The following NCALD variants were observed in gnomAD, a reference collection of about 807,000 sequenced individuals.
The protein encoded by NCALD is neurocalcin-delta.
A neutral mutation model predicts 18.6 loss-of-function variants in NCALD; 10 were observed. The observed-to-expected ratio is 0.54, with a 90% confidence interval of 0.33 to 0.91. The LOEUF (loss-of-function observed/expected upper bound fraction) is 0.91, where lower values mean the gene tolerates loss of function less well. Among genes scored for constraint, NCALD ranks in the 40% least tolerant of loss-of-function variants. The pLI, the probability that NCALD is intolerant of heterozygous loss-of-function variation, is 0.03. For missense variants in NCALD, 184 were observed against 247.6 expected (o/e 0.74, Z 1.72); for synonymous variants, 88 against 87.4 (o/e 1.01, Z -0.04).
chr8:101,805,973 G>T (rs1456541334), intron 4 of NCALD, among the ~76,000 whole-genome samples: 1 of 152,132 alleles, frequency 6.6e-6, no homozygotes, highest in African/African-American at 2.4e-5. Flanking sequence ...AATTAGTGGA[G>T]CCTAACAGCT....
At chr8:101,717,565 C>T (rs1422142605) in intron 2 of NCALD, among the ~76,000 whole-genome samples, 3 of 152,120 alleles carry the variant, frequency 2.0e-5, no homozygotes, top group African/African-American at 4.8e-5. Context: ...TTCTCCTGGT[C>T]CACAGCTTGC....
At chr8:102,002,943 C>T (rs1355100009) in intron 2 of NCALD, among the ~76,000 whole-genome samples, 3 of 152,040 alleles carry the variant, frequency 2.0e-5, no homozygotes, top group Non-Finnish European at 1.5e-5. Context: ...CTAAAATTGA[C>T]ACCCTAACAT....
chr8:101,802,257 T>C (rs1448254340), intron 4 of NCALD, among the ~76,000 whole-genome samples: 1 of 152,204 alleles, frequency 6.6e-6, no homozygotes, highest in Non-Finnish European at 1.5e-5. Flanking sequence ...AAAAACTTAA[T>C]TGATAGATGT....
chr8:101,973,454 C>T (rs770928507), intron 2 of NCALD, among the ~76,000 whole-genome samples: 8 of 152,168 alleles, frequency 5.3e-5, no homozygotes, highest in Non-Finnish European at 1.0e-4. Flanking sequence ...GTGCCATTTT[C>T]ATCATGTCAT....
intron 4 of NCALD, among the ~76,000 whole-genome samples, chr8:101,840,485 G>A (rs1814600227): frequency 6.6e-6 from 1 of 152,112 alleles, no homozygotes; most frequent in South Asian, 2.1e-4. Context: ...GATACATTAC[G>A]TATATATAAA....
chr8:102,107,195 C>CATATATATAT (rs67447416), intron 1 of NCALD, among the ~76,000 whole-genome samples: 76 of 89,266 alleles, frequency 8.5e-4, no homozygotes, highest in African/African-American at 1.0e-3. Context: ...TATGTGTGTA[C>CATATATATAT]ATATATATAT....
At chr8:101,930,478 C>G (rs563273125) in intron 2 of NCALD, among the ~76,000 whole-genome samples, 1 of 152,062 alleles carries the variant, frequency 6.6e-6, no homozygotes, top group African/African-American at 2.4e-5. Context: ...GAGCTCAATG[C>G]CAGGGTGCCT....
At chr8:101,782,825 G>T (rs1210441243) in intron 1 of NCALD, among the ~76,000 whole-genome samples, 1 of 152,180 alleles carries the variant, frequency 6.6e-6, no homozygotes, top group Non-Finnish European at 1.5e-5. Context: ...TAAAGAGGAG[G>T]CACTGTATGT....
chr8:101,716,775 T>G (rs1436871563), intron 2 of NCALD, among the ~76,000 whole-genome samples: 2 of 152,158 alleles, frequency 1.3e-5, no homozygotes, highest in Non-Finnish European at 2.9e-5. Context: ...TTCCCCTAAA[T>G]TATTCACATG....
intron 4 of NCALD, among the ~76,000 whole-genome samples, chr8:101,884,416 C>T (rs1816601635): frequency 6.6e-6 from 1 of 152,174 alleles, no homozygotes; most frequent in Non-Finnish European, 1.5e-5. Context: ...CAGTGCCTGT[C>T]ACATAGCAAC....
At chr8:101,753,255 G>A (rs185758496) in intron 1 of NCALD, among the ~76,000 whole-genome samples, 1 of 152,260 alleles carries the variant, frequency 6.6e-6, no homozygotes, top group Non-Finnish European at 1.5e-5. Flanking sequence ...GGTGGATGAA[G>A]GGAAGATCAG....
chr8:101,812,058 C>A (rs186371113), intron 4 of NCALD, among the ~76,000 whole-genome samples: 1 of 152,162 alleles, frequency 6.6e-6, no homozygotes, highest in African/African-American at 2.4e-5. Flanking sequence ...TCCTGGGAAC[C>A]TGTCCTGTTA....
chr8:102,115,212 G>A (rs774383601), intron 1 of NCALD, among the ~76,000 whole-genome samples: 10 of 152,180 alleles, frequency 6.6e-5, no homozygotes, highest in South Asian at 4.1e-4. Context: ...ACAGTATTCC[G>A]ATACACTGTT....
At chr8:101,982,106 G>C (rs968818793) in intron 2 of NCALD, among the ~76,000 whole-genome samples, 17 of 152,190 alleles carry the variant, frequency 1.1e-4, no homozygotes, top group African/African-American at 4.1e-4. Context: ...CACCATCATT[G>C]TAAGCTTCCT....
intron 4 of NCALD, among the ~76,000 whole-genome samples, chr8:101,848,820 A>G (rs1814976896): frequency 6.6e-6 from 1 of 152,194 alleles, no homozygotes; most frequent in South Asian, 2.1e-4. Flanking sequence ...ACAAATGAAT[A>G]GAATTTGGTA....
chr8:101,824,237 G>A (rs1245464472), intron 4 of NCALD, among the ~76,000 whole-genome samples: 1 of 152,158 alleles, frequency 6.6e-6, no homozygotes, highest in Non-Finnish European at 1.5e-5. Context: ...TCAGTGCCAA[G>A]CTTCCTATCC....
upstream of NCALD, among the ~76,000 whole-genome samples, chr8:101,792,021 A>G (rs1047668561): frequency 1.3e-5 from 2 of 152,244 alleles, no homozygotes; most frequent in Non-Finnish European, 2.9e-5. Context: ...AACAAAATCA[A>G]TGAAACTCAC....
chr8:101,897,795 C>T (rs529101178), intron 3 of NCALD, among the ~76,000 whole-genome samples: 14 of 152,286 alleles, frequency 9.2e-5, no homozygotes, highest in African/African-American at 2.4e-4. Context: ...CATGGTAATT[C>T]CATTTTTTTG....
At chr8:102,012,325 A>C (rs1175339421) in intron 2 of NCALD, among the ~76,000 whole-genome samples, 1 of 152,228 alleles carries the variant, frequency 6.6e-6, no homozygotes, top group Non-Finnish European at 1.5e-5. Flanking sequence ...CTAATTAAGG[A>C]ACTCTCAAGA....
Sources: gnomAD v4.1 joint callset for allele counts (sites outside exome capture counted in the v4.1 genomes callset) on GRCh38, gnomAD v4.1.1 for gene constraint, MANE v1.5 for transcripts, NCBI Gene and HGNC (gene_info 2026-07-23, HGNC 2026-07-21) for gene names.